HTT: variants seen among roughly 807,000 people sequenced by gnomAD.
The protein encoded by HTT is huntington disease protein.
In HTT, 104 loss-of-function variants were observed where a neutral mutation model predicts 362.3. The ratio of observed to expected loss-of-function variants is 0.29; its 90% CI spans 0.24 to 0.34. The LOEUF is 0.34. Among genes scored for constraint, HTT ranks in the 10% least tolerant of loss-of-function variants. The probability of loss-of-function intolerance (pLI) is 1.00; values close to 1 mark genes in which losing one functional copy is unlikely to be tolerated. For missense variants in HTT, 3,301 were observed against 3,928.6 expected, an observed-to-expected ratio of 0.84 and a Z score of 4.27; for synonymous variants, 1,577 against 1,548.7, an observed-to-expected ratio of 1.02 and a Z score of -0.43.
chr4:3,212,418 A>C, intron 48 of HTT, 146 bp from the exon 49 acceptor site: 1 of 1,077,234 alleles, frequency 9.3e-7, no homozygotes, highest in Non-Finnish European at 1.4e-6. Flanking sequence ...AACCACGTGC[A>C]GTCCTGTGGA....
intron 37 of HTT, among the ~76,000 whole-genome samples, chr4:3,183,120 G>A (rs950102500): frequency 1.3e-5 from 2 of 152,238 alleles, no homozygotes; most frequent in African/African-American, 4.8e-5. Context: ...GGGCGCAAGT[G>A]ATCCACCAAC....
chr4:3,140,040 G>C (rs1716263599), intron 21 of HTT, among the ~76,000 whole-genome samples: 1 of 152,180 alleles, frequency 6.6e-6, no homozygotes, highest in Non-Finnish European at 1.5e-5. Flanking sequence ...GGATCACGAG[G>C]TCAGGAGTTC....
chr4:3,232,006 C>CCA (rs1721276262), intron 60 of HTT, among the ~76,000 whole-genome samples: 1 of 152,186 alleles, frequency 6.6e-6, no homozygotes, highest in Non-Finnish European at 1.5e-5. Flanking sequence ...ATGCTTGGTA[C>CCA]CCACGTATCC....
intron 2 of HTT, among the ~76,000 whole-genome samples, chr4:3,094,663 C>T (rs1218287782): frequency 7.9e-5 from 10 of 125,938 alleles, no homozygotes; most frequent in Non-Finnish European, 1.2e-4. Context: ...GGTGGCCGGG[C>T]GGGGGCTGCC....
chr4:3,124,492 G>A (rs900328909), intron 10 of HTT, among the ~76,000 whole-genome samples: 8 of 152,204 alleles, frequency 5.3e-5, no homozygotes, highest in African/African-American at 1.9e-4. Flanking sequence ...GGATTAGGGT[G>A]AAAGTAGTGG....
chr4:3,175,040 A>G lies in HTT; in HGVS notation c.4340A>G (p.Gln1447Arg), dbSNP rs1461190281. 6.2e-7 allele frequency: 1 copy of G among 1,614,070 alleles called. No individual in the cohort carries two copies. Among genetic ancestry groups the G allele is most frequent in the Non-Finnish European group, 8.5e-7 (1 of 1,179,884 alleles). Residue 1447 changes from glutamine (Q) to arginine (R), a missense_variant, in exon 33 of 67, where the codon CAG becomes CGG. This residue lies in a region of HTT where 2,316 missense variants were observed against 2,658.5 expected (regional missense o/e 0.87). Transcript: ENST00000355072. ...ACAACATGTGTGCAGTTACAGAAGCAGGTTTTAGATTTGCTGGCGCAGCTG... is the reference window on the plus strand; with the variant it reads ...ACAACATGTGTGCAGTTACAGAAGCGGGTTTTAGATTTGCTGGCGCAGCTG... ...TTTTCVQLQK[Q>R]VLDLLAQLVQ...
intron 35 of HTT, among the ~76,000 whole-genome samples, chr4:3,179,379 C>T (rs1169048579): frequency 6.6e-6 from 1 of 152,134 alleles, no homozygotes; most frequent in Non-Finnish European, 1.5e-5. Context: ...GCAACCACAC[C>T]CAGTACTTTG....
intron 6 of HTT, among the ~76,000 whole-genome samples, chr4:3,112,298 A>G (rs1204331868): frequency 6.6e-6 from 1 of 152,190 alleles, no homozygotes; most frequent in Admixed American, 6.5e-5. Flanking sequence ...TACATACCAT[A>G]CAGGACAGAA....
intron 25 of HTT, among the ~76,000 whole-genome samples, chr4:3,147,728 C>A (rs906861283): frequency 1.3e-5 from 2 of 152,106 alleles, no homozygotes; most frequent in East Asian, 1.9e-4. Context: ...AATTGCCAGG[C>A]CTGGTTCACC....
rs772108260 is a variant in HTT at position 3,228,586 on chromosome 4, C to T, written c.7849-29C>T. 1 of 1,535,802 alleles carries T rather than the reference C, an allele frequency of 6.5e-7. No homozygotes were observed. The highest frequency in any genetic ancestry group is 2.1e-5 in the Admixed American group (1 of 48,210). On this transcript the variant is annotated intron_variant, in intron 57 of 66. Coordinates refer to ENST00000355072, the MANE Select transcript of HTT (RefSeq NM_001388492.1). This position sits in a 1 kb window ranked among gnomAD's most constrained non-coding sequence, Gnocchi z 4.3. ...CAGGAGCCTGGCACTGTGGCCGCAGCACTGAGCAGTGCCCCGTTTCTGTGG... is the reference window on the plus strand; with the variant it reads ...CAGGAGCCTGGCACTGTGGCCGCAGTACTGAGCAGTGCCCCGTTTCTGTGG...
At chr4:3,211,277 T>C (rs1014461422) in intron 47 of HTT, among the ~76,000 whole-genome samples, 1 of 152,248 alleles carries the variant, frequency 6.6e-6, no homozygotes, top group Non-Finnish European at 1.5e-5. Flanking sequence ...GTGATCTGTT[T>C]ATTAGGTTTT....
At chr4:3,084,145 A>G (rs964245364) in intron 1 of HTT, among the ~76,000 whole-genome samples, 3 of 151,056 alleles carry the variant, frequency 2.0e-5, no homozygotes, top group Admixed American at 1.3e-4. Context: ...AGGGAGGTGA[A>G]TGTGGTTATA....
chr4:3,223,347 A>C (rs371005730), intron 54 of HTT, 59 bp from the exon 55 acceptor site: 9 of 1,483,614 alleles, frequency 6.1e-6, no homozygotes, highest in Non-Finnish European at 8.1e-6. Flanking sequence ...TGGGTTCTGC[A>C]GGCAGAGGTG....
At chr4:3,208,291 C>T (rs1175679820) in intron 45 of HTT, among the ~76,000 whole-genome samples, 3 of 152,120 alleles carry the variant, frequency 2.0e-5, no homozygotes, top group Non-Finnish European at 4.4e-5. Context: ...GTCTTCAGTC[C>T]AGATGAGGGA....
chr4:3,131,484 G>A (rs184863409), intron 15 of HTT, 87 bp downstream of exon 15: 1 of 1,451,444 alleles, frequency 6.9e-7, no homozygotes, highest in Non-Finnish European at 9.7e-7. Context: ...CTTGCGTGCA[G>A]CAGAGGAAGT....
At position 3,131,322 on chromosome 4, in the gene HTT, G is replaced by A; in HGVS notation, c.2023G>A (p.Asp675Asn). The change falls in exon 15 of 67, where the codon GAT (aspartate) becomes AAT (asparagine). Residue 675 changes from aspartate to asparagine, a missense_variant. Physicochemically the swap from Asp to Asn is conservative, Grantham distance 23. Coordinates refer to ENST00000355072, the MANE Select transcript of HTT (RefSeq NM_001388492.1). ...RIKGDIGQST[D>N]DDSAPLVHCV... ...CAAAGGTGACATTGGACAGTCCACT[G>A]ATGATGACTCTGCACCTCTTGTCCA... 2 of 1,614,050 alleles carry A rather than the reference G, an allele frequency of 1.2e-6. No individual in the cohort carries two copies. Among genetic ancestry groups the A allele is most frequent in the South Asian group, 2.2e-5 (2 of 91,076 alleles).
chr4:3,129,593 A>T, intron 12 of HTT: 1 of 233,324 alleles, frequency 4.3e-6, no homozygotes, highest in South Asian at 6.2e-5. Context: ...CTTTGTCCTC[A>T]TATTTCCAAC....
At chr4:3,134,262 T>C (rs363076) in intron 18 of HTT, 139 bp from the exon 19 acceptor site, 7,328 of 631,528 alleles carry the variant, frequency 0.012, 67 homozygotes, top group South Asian at 0.028. Context: ...TCTTGAGAGG[T>C]GTGGGAAAAA....
intron 29 of HTT, among the ~76,000 whole-genome samples, chr4:3,170,343 A>G (rs778970002): frequency 6.6e-6 from 1 of 152,088 alleles, no homozygotes; most frequent in Non-Finnish European, 1.5e-5. Flanking sequence ...ATTAGGTACC[A>G]TGCTTAGGAG....
Sources: gnomAD v4.1 joint callset for allele counts (sites outside exome capture counted in the v4.1 genomes callset) on GRCh38, gnomAD v4.1.1 for gene constraint, gnomAD v4.1.1 regional missense constraint, Gnocchi (gnomAD v3.1) non-coding constraint, MANE v1.5 for transcripts, NCBI Gene and HGNC (gene_info 2026-07-23, HGNC 2026-07-21) for gene names.